Variants in MYO1D observed in about 807,000 individuals in gnomAD.
MYO1D encodes myosin ID.
MYO1D carries 83 observed loss-of-function variants against 122.0 expected under a neutral mutation model. The ratio of observed to expected loss-of-function variants is 0.68; its 90% CI spans 0.57 to 0.82. The LOEUF is 0.82. Ranked by LOEUF, MYO1D falls within the 40% of genes least tolerant of loss-of-function variation. MYO1D has a pLI of 0.00. For missense variants in MYO1D, 1,157 were observed against 1,269.5 expected, an observed-to-expected ratio of 0.91 and a Z score of 1.35; for synonymous variants, 464 against 446.9, an observed-to-expected ratio of 1.04 and a Z score of -0.48.
intron 1 of MYO1D, among the ~76,000 whole-genome samples, chr17:32,802,108 C>T (rs1395258042): frequency 1.3e-5 from 2 of 152,172 alleles, no homozygotes; most frequent in African/African-American, 2.4e-5. Context: ...GGAGAACAGA[C>T]CAATGGGAAT....
intron 21 of MYO1D, among the ~76,000 whole-genome samples, chr17:32,504,054 G>T (rs989777832): frequency 1.3e-5 from 2 of 152,186 alleles, no homozygotes; most frequent in African/African-American, 2.4e-5. Context: ...GTCTGCAGCT[G>T]GTGAGGAATG....
chr17:32,536,407 T>A (rs555681841), intron 21 of MYO1D, among the ~76,000 whole-genome samples: 3 of 152,210 alleles, frequency 2.0e-5, no homozygotes, highest in African/African-American at 4.8e-5. Flanking sequence ...ACAAGTCATA[T>A]CTTGAAGAGG....
intron 21 of MYO1D, chr17:32,510,552 C>G (rs1909658946): frequency 6.6e-6 from 1 of 152,222 alleles, no homozygotes; most frequent in South Asian, 2.1e-4. Context: ...ACATCTTTGT[C>G]TTGACTTTCC....
intron 21 of MYO1D, among the ~76,000 whole-genome samples, chr17:32,500,569 AG>A (rs113913373): frequency 0.021 from 3,161 of 152,162 alleles, 97 homozygotes; most frequent in African/African-American, 0.07. Context: ...TGGGCAGAAG[AG>A]GGGGTTGAGT....
chr17:32,612,163 C>T (rs1013163071), intron 20 of MYO1D, among the ~76,000 whole-genome samples: 7 of 151,980 alleles, frequency 4.6e-5, no homozygotes, highest in Non-Finnish European at 7.4e-5. Context: ...TATTGGAGGA[C>T]GAGGGGTTAT....
At chr17:32,504,168 C>G (rs1050912840) in intron 21 of MYO1D, among the ~76,000 whole-genome samples, 1 of 152,194 alleles carries the variant, frequency 6.6e-6, no homozygotes, top group African/African-American at 2.4e-5. Context: ...GAGACCTCAC[C>G]CAAGCCTGCT....
At chr17:32,744,179 TAC>T (rs1321203866) in intron 13 of MYO1D, among the ~76,000 whole-genome samples, 1 of 152,148 alleles carries the variant, frequency 6.6e-6, no homozygotes, top group African/African-American at 2.4e-5. Flanking sequence ...TTGCTGTCAA[TAC>T]ACTCAAGCTC....
chr17:32,596,815 T>C (rs2087497687), intron 21 of MYO1D, among the ~76,000 whole-genome samples: 2 of 152,338 alleles, frequency 1.3e-5, no homozygotes, highest in South Asian at 4.1e-4. Flanking sequence ...TTTGACAGCT[T>C]AATACTGCAG....
intron 21 of MYO1D, among the ~76,000 whole-genome samples, chr17:32,601,107 A>G (rs2087557386): frequency 6.6e-6 from 1 of 151,786 alleles, no homozygotes; most frequent in Non-Finnish European, 1.5e-5. Flanking sequence ...TAACTTTTAA[A>G]TTTTTTTGTA....
intron 20 of MYO1D, among the ~76,000 whole-genome samples, chr17:32,632,989 ACTAT>A (rs1027063959): frequency 2.8e-4 from 42 of 152,172 alleles, no homozygotes; most frequent in African/African-American, 1.0e-3. Flanking sequence ...ACCACAAATT[ACTAT>A]CTATGTAGTA....
At chr17:32,608,441 T>C (rs1248791643) in intron 20 of MYO1D, among the ~76,000 whole-genome samples, 1 of 151,958 alleles carries the variant, frequency 6.6e-6, no homozygotes, top group African/African-American at 2.4e-5. Context: ...TGCAAACCCA[T>C]CAGAATGGCT....
intron 21 of MYO1D, among the ~76,000 whole-genome samples, chr17:32,552,447 TCCATC>T (rs1567887131): frequency 1.3e-5 from 2 of 151,892 alleles, no homozygotes; most frequent in South Asian, 2.1e-4. Flanking sequence ...CATCCATCCA[TCCATC>T]CATCCATCCA....
intron 21 of MYO1D, among the ~76,000 whole-genome samples, chr17:32,552,722 A>G (rs2087029224): frequency 6.6e-6 from 1 of 152,218 alleles, no homozygotes; most frequent in Non-Finnish European, 1.5e-5. Flanking sequence ...AGATGTGGAA[A>G]CTGAAGCTTC....
chr17:32,511,828 C>T (rs545230801), intron 21 of MYO1D, among the ~76,000 whole-genome samples: 5 of 152,256 alleles, frequency 3.3e-5, no homozygotes, highest in African/African-American at 9.6e-5. Flanking sequence ...TTGTCGGGAA[C>T]GCCATTATAT....
chr17:32,702,963 G>A (rs569141015), intron 16 of MYO1D, among the ~76,000 whole-genome samples: 1 of 152,238 alleles, frequency 6.6e-6, no homozygotes, highest in African/African-American at 2.4e-5. Flanking sequence ...TCTTGCTGCT[G>A]TAGAATTCAT....
rs145126486 is a variant in MYO1D, at chr17:32,767,732, G to C, written c.735C>G (p.Ala245=). ...AQLKSSINDA[A]EFRVVADAMK... is the part of the protein sequence containing the mutation. Reference sequence around the variant, plus strand: ...TGGCATCAGCAACAACTCTGAATTCGGCAGCATCATTGATAGAAGACTGGG... The same window carrying C: ...TGGCATCAGCAACAACTCTGAATTCCGCAGCATCATTGATAGAAGACTGGG... Residue 245 remains alanine (A), a synonymous_variant, in exon 7 of 22, where the codon GCC becomes GCG. Coordinates refer to ENST00000318217, the MANE Select transcript of MYO1D (RefSeq NM_015194.3). 38 of 1,612,986 alleles carry C rather than the reference G, an allele frequency of 2.4e-5. 1 individual carries two copies. In the South Asian group the frequency reaches 3.7e-4, roughly 16 times the overall value.
intron 21 of MYO1D, among the ~76,000 whole-genome samples, chr17:32,588,981 C>A (rs1158155863): frequency 6.6e-6 from 1 of 151,474 alleles, no homozygotes; most frequent in Admixed American, 6.6e-5. Context: ...AAAAAAAAAA[C>A]CCACAAAAAA....
intron 19 of MYO1D, among the ~76,000 whole-genome samples, chr17:32,646,174 C>A (rs1025156486): frequency 6.6e-6 from 1 of 152,152 alleles, no homozygotes; most frequent in Non-Finnish European, 1.5e-5. Context: ...ACTTAAAGAG[C>A]ATGTTTAACC....
chr17:32,584,153 C>T (rs1399927522), intron 21 of MYO1D, among the ~76,000 whole-genome samples: 1 of 152,142 alleles, frequency 6.6e-6, no homozygotes, highest in Non-Finnish European at 1.5e-5. Context: ...AGAACAAATA[C>T]TACCTATTTT....
Sources: gnomAD v4.1 joint callset for allele counts (sites outside exome capture counted in the v4.1 genomes callset) on GRCh38, gnomAD v4.1.1 for gene constraint, MANE v1.5 for transcripts, NCBI Gene and HGNC (gene_info 2026-07-23, HGNC 2026-07-21) for gene names.